SFTPD: variants seen among roughly 807,000 people sequenced by gnomAD.
SFTPD encodes surfactant protein D.
Under a neutral mutation model 34.6 loss-of-function variants are expected in SFTPD, and 18 were observed. The observed-to-expected ratio is 0.52, with a 90% CI of 0.36 to 0.77. The LOEUF is 0.77. Among genes scored for constraint, SFTPD ranks in the 30% least tolerant of loss-of-function variants. The pLI is 0.00. For missense variants in SFTPD, 433 were observed against 468.9 expected (o/e 0.92, Z 0.71); for synonymous variants, 155 against 180.9 (o/e 0.86, Z 1.15).
In SFTPD at chr10:79,944,786, T is replaced by C. The variant is rs559533468; in HGVS notation, c.199+1675A>G. ...GGCAGGATCTGGGTCATATTTACCCTCCATGATACGTCGGGGATGTCACCA... is the reference window on the plus strand; with the variant it reads ...GGCAGGATCTGGGTCATATTTACCCCCCATGATACGTCGGGGATGTCACCA... On this transcript the variant is annotated intron_variant, in intron 2 of 7. Transcript: ENST00000372292. 4.6e-5 allele frequency among the ~76,000 whole-genome samples: 7 copies of C among 152,194 alleles called. No homozygotes were observed. The South Asian group carries it at 1.2e-3, about 27-fold the overall frequency.
intron 4 of SFTPD, 117 bp from the exon 5 acceptor site, chr10:79,942,187 C>T: frequency 3.8e-6 from 3 of 798,480 alleles, no homozygotes; most frequent in African/African-American, 1.7e-5. Flanking sequence ...AGTGGGGAGA[C>T]TCTCCTTGCT....
At chr10:79,971,172 T>A (rs1039760542) in intron 1 of SFTPD, 1 of 152,220 alleles carries the variant, frequency 6.6e-6, no homozygotes, top group Non-Finnish European at 1.5e-5. Context: ...TCATGTTGAT[T>A]GGTTTGCATA....
At chr10:79,944,117 C>T (rs1842642706) in intron 2 of SFTPD, among the ~76,000 whole-genome samples, 1 of 152,196 alleles carries the variant, frequency 6.6e-6, no homozygotes, top group Non-Finnish European at 1.5e-5. Flanking sequence ...TGAAGTGGAG[C>T]TTTATGGCCC....
rs763277511 is a variant in SFTPD at position 79,938,085 on chromosome 10, C to A, written c.895G>T (p.Ala299Ser). 44 of 1,614,036 alleles carry A rather than the reference C, an allele frequency of 2.7e-5. No homozygotes were observed. The highest frequency in any genetic ancestry group is 3.6e-5 in the Non-Finnish European group (43 of 1,180,020). ...TTAGCTACGACCAGCTGTTGCAAGG[C>A]GGCATTCTCAGCGGCAGAGCGTGGA... The part of the protein sequence containing the change: ...ASPRSAAENA[A>S]LQQLVVAKNE... The change falls in exon 8 of 8, where the codon GCC becomes TCC. Residue 299 changes from alanine (A) to serine (S), a missense_variant. Coordinates refer to ENST00000372292, the MANE Select transcript of SFTPD (RefSeq NM_003019.5).
Position 79,942,385 on chromosome 10 carries a change from T to G in SFTPD, c.433+3A>C. 6.3e-7 allele frequency: 1 copy of G among 1,598,468 alleles called. No individual in the cohort carries two copies. The highest frequency in any genetic ancestry group is 1.7e-4 in the Middle Eastern group (1 of 5,978). ...TCAGACTGGCCACAGACCAGCCACCTACCTTTGGGCCCAGCTTCTCCTTTT... is the reference window on the plus strand; with the variant it reads ...TCAGACTGGCCACAGACCAGCCACCGACCTTTGGGCCCAGCTTCTCCTTTT... On this transcript the variant is annotated splice_donor_region_variant and intron_variant, in intron 4 of 7. Coordinates refer to ENST00000372292, the MANE Select transcript of SFTPD (RefSeq NM_003019.5).
intron 7 of SFTPD, among the ~76,000 whole-genome samples, chr10:79,939,987 A>G (rs1039097539): frequency 6.6e-6 from 1 of 152,152 alleles, no homozygotes; most frequent in African/African-American, 2.4e-5. Context: ...AAATACCTCC[A>G]GAGCTGCAGG....
At chr10:79,946,795 GC>G in intron 1 of SFTPD, 133 bp from the exon 2 acceptor site, 2 of 791,212 alleles carry the variant, frequency 2.5e-6, no homozygotes, top group African/African-American at 1.7e-5. Flanking sequence ...GCCTAGAGCA[GC>G]AGGAATCCAA....
intron 2 of SFTPD, 105 bp from the exon 3 acceptor site, chr10:79,942,984 G>T: frequency 1.4e-6 from 1 of 729,458 alleles, no homozygotes. Context: ...TGCAGAGCAT[G>T]AGACTTCCAC....
At chr10:79,940,969 A>G (rs1169035722) in intron 6 of SFTPD, among the ~76,000 whole-genome samples, 181 bp from the exon 7 acceptor site, 1 of 151,002 alleles carries the variant, frequency 6.6e-6, no homozygotes. Context: ...TGGTTCTGCT[A>G]TGAACAAATT....
chr10:79,963,894 A>G (rs1344157676), intron 1 of SFTPD, among the ~76,000 whole-genome samples: 1 of 151,728 alleles, frequency 6.6e-6, no homozygotes, highest in African/African-American at 2.4e-5. Context: ...TATGTATCCC[A>G]TTTTCTTTTT....
intron 1 of SFTPD, among the ~76,000 whole-genome samples, chr10:79,979,495 C>T (rs1454958433): frequency 1.3e-5 from 2 of 152,170 alleles, no homozygotes; most frequent in African/African-American, 2.4e-5. Context: ...GATCTGTGTA[C>T]TTGGGAGAGA....
intron 1 of SFTPD, among the ~76,000 whole-genome samples, chr10:79,977,095 A>G (rs1842867716): frequency 6.6e-6 from 1 of 152,182 alleles, no homozygotes; most frequent in Non-Finnish European, 1.5e-5. Context: ...ATATGTCTTT[A>G]TCAGCAGCAT....
At position 79,946,482 on chromosome 10, in the gene SFTPD, G is replaced by C. The variant is rs149865718; in HGVS notation, c.178C>G (p.Arg60Gly). 2 of 1,613,890 alleles carry C rather than the reference G, an allele frequency of 1.2e-6. No homozygotes were observed. The highest frequency in any genetic ancestry group is 1.7e-6 in the Non-Finnish European group (2 of 1,179,880). Residue 60 changes from arginine to glycine, a missense_variant, in exon 2 of 8, where the codon CGG becomes GGG. Physicochemically the swap from Arg to Gly is moderately radical, Grantham distance 125. Transcript: ENST00000372292. ...RDGRDGREGP[R>G]GEKGDPGLPG... ...CTACCTGGGTCCCCCTTCTCGCCCCGAGGGCCCTCTCTCCCATCCCGTCCA... is the reference window on the plus strand; with the variant it reads ...CTACCTGGGTCCCCCTTCTCGCCCCCAGGGCCCTCTCTCCCATCCCGTCCA...
At chr10:79,963,539 A>G (rs562513842) in intron 1 of SFTPD, among the ~76,000 whole-genome samples, 1 of 152,064 alleles carries the variant, frequency 6.6e-6, no homozygotes. Context: ...AATATGATGA[A>G]TGAGGATTAA....
At chr10:79,947,326 C>G (rs1483615839) in intron 1 of SFTPD, among the ~76,000 whole-genome samples, 1 of 152,174 alleles carries the variant, frequency 6.6e-6, no homozygotes, top group Non-Finnish European at 1.5e-5. Context: ...TTTTCAGAGA[C>G]ACTAAACTAG....
At chr10:79,976,917 C>T (rs551985357) in intron 1 of SFTPD, among the ~76,000 whole-genome samples, 1 of 152,212 alleles carries the variant, frequency 6.6e-6, no homozygotes, top group Non-Finnish European at 1.5e-5. Flanking sequence ...GTATAAGTCT[C>T]ATGAGATCTG....
chr10:79,973,087 C>T (rs1842844446), intron 1 of SFTPD: 1 of 151,432 alleles, frequency 6.6e-6, no homozygotes. Flanking sequence ...TACAATAGCC[C>T]CTCCATGAAA....
Position 79,938,347 on chromosome 10 carries a change from G to A in SFTPD, c.752-119C>T. Reference sequence around the variant, plus strand: ...GACCTCCCAAACAGGCACCGCATCAGGATGCCAGAGAGAATGCAAGAGAGA... The same window carrying A: ...GACCTCCCAAACAGGCACCGCATCAAGATGCCAGAGAGAATGCAAGAGAGA... On this transcript the variant is annotated intron_variant, in intron 7 of 7. Coordinates refer to ENST00000372292, the MANE Select transcript of SFTPD (RefSeq NM_003019.5). 15 of 831,736 alleles carry A rather than the reference G, an allele frequency of 1.8e-5. No individual in the cohort carries two copies. The South Asian group carries it at 2.6e-4, about 14-fold the overall frequency. 51.5% of individuals were successfully genotyped at this position (831,736 alleles called of 1,614,324 possible).
At chr10:79,952,665 G>C (rs1842716909), upstream of SFTPD, among the ~76,000 whole-genome samples, 1 of 152,186 alleles carries the variant, frequency 6.6e-6, no homozygotes, top group Non-Finnish European at 1.5e-5. Flanking sequence ...TGCAGTCTAA[G>C]TGGGTTCTGG....
Sources: gnomAD v4.1 joint callset for allele counts (sites outside exome capture counted in the v4.1 genomes callset) on GRCh38, gnomAD v4.1.1 for gene constraint, MANE v1.5 for transcripts, NCBI Gene and HGNC (gene_info 2026-07-23, HGNC 2026-07-21) for gene names.